Variants in AGRN observed in about 807,000 individuals in gnomAD.
AGRN encodes the protein agrin.
Under a neutral mutation model 211.0 loss-of-function variants are expected in AGRN, and 106 were observed. The ratio of observed to expected loss-of-function variants is 0.50; its 90% CI spans 0.43 to 0.59. AGRN has a LOEUF of 0.59. AGRN is among the 20% of genes least tolerant of loss of function. AGRN has a pLI of 0.00. For missense variants in AGRN, 3,040 were observed against 2,982.6 expected, an observed-to-expected ratio of 1.02 and a Z score of -0.45; for synonymous variants, 1,525 against 1,332.5, an observed-to-expected ratio of 1.14 and a Z score of -3.15.
intron 12 of AGRN, 29 bp downstream of exon 12, chr1:1,044,468 C>A: frequency 6.3e-7 from 1 of 1,585,234 alleles, no homozygotes; most frequent in Non-Finnish European, 8.6e-7. Flanking sequence ...GGGTCTCAGG[C>A]ACAGGCGGGG....
At chr1:1,024,730 T>C (rs1316818589) in intron 2 of AGRN, among the ~76,000 whole-genome samples, 1 of 151,958 alleles carries the variant, frequency 6.6e-6, no homozygotes, top group Non-Finnish European at 1.5e-5. Context: ...CAGATCTTCC[T>C]GGCCCTGCCC....
intron 2 of AGRN, among the ~76,000 whole-genome samples, chr1:1,027,958 G>A (rs72900404): frequency 0.037 from 5,676 of 152,258 alleles, 133 homozygotes; most frequent in South Asian, 0.051. Context: ...ACCGGCCCAC[G>A]GCCGCCCCGG....
Position 1,046,590 on chromosome 1 carries a change from G to A in AGRN, c.3105G>A (p.Val1035=), listed in dbSNP as rs2100659832. The A allele has an allele frequency of 3.7e-6, 6 of 1,607,190 alleles. No homozygotes were observed. Among genetic ancestry groups the A allele is most frequent in the Non-Finnish European group, 5.1e-6 (6 of 1,179,660 alleles). Reference sequence around the variant, plus strand: ...CTGCCAGCGTCCCCAGGACCACCGTGTGGCCCGTGCTGACGGTGCCCCCCA... The same window carrying A: ...CTGCCAGCGTCCCCAGGACCACCGTATGGCCCGTGCTGACGGTGCCCCCCA... The part of the protein sequence containing the change: ...RTTASVPRTT[V]WPVLTVPPTA... The change falls in exon 18 of 36, where the codon GTG becomes GTA. Residue 1035 remains valine, a synonymous_variant. Coordinates refer to ENST00000379370, the MANE Select transcript of AGRN (RefSeq NM_198576.4).
intron 7 of AGRN, among the ~76,000 whole-genome samples, chr1:1,042,729 C>T (rs1201849644): frequency 1.3e-5 from 2 of 152,220 alleles, no homozygotes; most frequent in Non-Finnish European, 2.9e-5. Context: ...TGCCTGCCCT[C>T]CAGGAGCCCG....
At position 1,051,342 on chromosome 1, in the gene AGRN, C is replaced by G; in HGVS notation, c.5343C>G (p.Ser1781=). The part of the protein sequence containing the change: ...FSKLARAAAV[S]SGFDGAIQLV... ...AGCTGGCCCGTGCTGCTGCCGTGTC[C>G]TCTGGCTTCGACGGTGCCATCCAGC... is the stretch of plus-strand genomic sequence containing the variant. Residue 1781 remains serine, a synonymous_variant, in exon 31 of 36, where the codon TCC becomes TCG. Coordinates refer to ENST00000379370, the MANE Select transcript of AGRN (RefSeq NM_198576.4). 6.4e-7 allele frequency: 1 copy of G among 1,568,650 alleles called. No homozygotes were observed.
Position 1,022,062 on chromosome 1 carries a change from G to A in AGRN, c.202-139G>A, listed in dbSNP as rs1448265521. The A allele has an allele frequency of 2.1e-5, 23 of 1,092,958 alleles. 1 individual carries two copies. In the East Asian group the frequency reaches 3.9e-4, roughly 19 times the overall value. The allele number at this position is 1,092,958 out of a possible 1,614,324, so 67.7% of individuals were successfully genotyped here. On this transcript the variant is annotated intron_variant, in intron 1 of 35. Transcript: ENST00000379370. ...GGGCTTCCCCCAGCTTCCGCCCAGCGGGCTGACTCAGAGGTCTCCCCACAT... is the reference window on the plus strand; with the variant it reads ...GGGCTTCCCCCAGCTTCCGCCCAGCAGGCTGACTCAGAGGTCTCCCCACAT...
In AGRN at chr1:1,035,076, G is replaced by T. The variant is rs989897533; in HGVS notation, c.464-201G>T. The T allele has an allele frequency of 1.7e-5, 11 of 662,498 alleles. No individual in the cohort carries two copies. The South Asian group carries it at 2.0e-4, about 12-fold the overall frequency. 41.0% of individuals were successfully genotyped at this position (662,498 alleles called of 1,614,324 possible). On this transcript the variant is annotated intron_variant, in intron 2 of 35. Coordinates refer to ENST00000379370, the MANE Select transcript of AGRN (RefSeq NM_198576.4). The stretch of plus-strand genomic sequence containing the variant: ...AGGCCATGACTATTTGGCTGGAGGG[G>T]CAGAGAAAAGCAGGGGCCTCTGTCT...
rs776934498 is a variant in AGRN at position 1,045,251 on chromosome 1, G to A, written c.2345G>A (p.Arg782Gln). The change falls in exon 13 of 36, where the codon CGG (arginine) becomes CAG (glutamine). Residue 782 changes from arginine to glutamine, a missense_variant. Arg to Gln is a conservative substitution (Grantham distance 43). Coordinates refer to ENST00000379370, the MANE Select transcript of AGRN (RefSeq NM_198576.4). Reference sequence around the variant, plus strand: ...TGCCAGGACAATATCACCGCAGCCCGGGGCGTGGGCCTGGCTGGCTGCCCC... The same window carrying A: ...TGCCAGGACAATATCACCGCAGCCCAGGGCGTGGGCCTGGCTGGCTGCCCC... ...GCCQDNITAA[R>Q]GVGLAGCPSA... 26 of 1,611,406 alleles carry A rather than the reference G, an allele frequency of 1.6e-5. No homozygotes were observed. Among genetic ancestry groups the A allele is most frequent in the East Asian group, 8.9e-5 (4 of 44,806 alleles).
rs1415671167 is a variant in AGRN, at chr1:1,034,170, CCCCCGCGCACCTG to C, written c.464-1104_464-1092del. 6.1e-6 allele frequency: 6 copies of C among 985,374 alleles called. 1 individual carries two copies. In the East Asian group the frequency reaches 3.4e-4, roughly 56 times the overall value. The allele number at this position is 985,374 out of a possible 1,614,324, so 61.0% of individuals were successfully genotyped here. The stretch of plus-strand genomic sequence containing the variant: ...GGGACAGCAGACCCTCGGCGCCCGG[CCCCCGCGCACCTG>C]CCGCGCGCACCGCCTCTCCGGCCTG... On this transcript the variant is annotated intron_variant, in intron 2 of 35. Coordinates refer to ENST00000379370, the MANE Select transcript of AGRN (RefSeq NM_198576.4).
chr1:1,051,201 G>T lies in AGRN; in HGVS notation c.5254-52G>T, dbSNP rs567517169. ...GGTGCGTGCAGGTGCCTGGGCCCTGGGTCTGCACCGTGGGTGGGCTCTGCA... is the reference window on the plus strand; with the variant it reads ...GGTGCGTGCAGGTGCCTGGGCCCTGTGTCTGCACCGTGGGTGGGCTCTGCA... On this transcript the variant is annotated intron_variant, in intron 30 of 35. Transcript: ENST00000379370. 7.2e-5 allele frequency: 112 copies of T among 1,552,680 alleles called. No individual in the cohort carries two copies. In the African/African-American group the frequency reaches 1.3e-3, roughly 17 times the overall value.
intron 2 of AGRN, chr1:1,034,486 G>A (rs943546320): frequency 1.7e-5 from 17 of 985,642 alleles, no homozygotes; most frequent in Non-Finnish European, 1.8e-5. Context: ...CAGCCCTGAA[G>A]AGGCCCAAGG....
rs777176463 is a variant in AGRN at position 1,048,974 on chromosome 1, C to T, written c.4213C>T (p.Pro1405Ser). ...RLALEFRALE[P>S]QGLLLYNGNA... Reference sequence around the variant, plus strand: ...GGCACTGGAATTCCGGGCGCTGGAGCCTCAGGGGCTGCTGCTGTACAATGG... The same window carrying T: ...GGCACTGGAATTCCGGGCGCTGGAGTCTCAGGGGCTGCTGCTGTACAATGG... Residue 1405 changes from proline to serine, a missense_variant, in exon 24 of 36, where the codon CCT (proline) becomes TCT (serine). Pro to Ser is a moderately conservative substitution (Grantham distance 74). This residue lies in a region of AGRN where 1,537 missense variants were observed against 1,505.0 expected (regional missense o/e 1.02). Coordinates refer to ENST00000379370, the MANE Select transcript of AGRN (RefSeq NM_198576.4). This position sits in a 1 kb window ranked among gnomAD's most constrained non-coding sequence, Gnocchi z 5.9. 5.7e-6 allele frequency: 9 copies of T among 1,577,322 alleles called. No homozygotes were observed. In the East Asian group the frequency reaches 1.4e-4, roughly 24 times the overall value.
chr1:1,055,012 T>C lies in AGRN; in HGVS notation c.*31T>C. On this transcript the variant is annotated 3_prime_UTR_variant, in exon 36 of 36. Coordinates refer to ENST00000379370, the MANE Select transcript of AGRN (RefSeq NM_198576.4). ...CACCAGAGCCCCGCGCCCGCTGTAA[T>C]TATTTTCTATTTTTGTAAACTTGTT... 1 of 1,544,714 alleles carries C rather than the reference T, an allele frequency of 6.5e-7. No homozygotes were observed. The highest frequency in any genetic ancestry group is 8.7e-7 in the Non-Finnish European group (1 of 1,146,584).
Position 1,048,982 on chromosome 1 carries a change from G to A in AGRN, c.4221G>A (p.Gly1407=), listed in dbSNP as rs770216741. 27 of 1,578,422 alleles carry A rather than the reference G, an allele frequency of 1.7e-5. No homozygotes were observed. The highest frequency in any genetic ancestry group is 2.3e-5 in the Non-Finnish European group (27 of 1,164,070). ...ALEFRALEPQ[G]LLLYNGNARG... Reference sequence around the variant, plus strand: ...AATTCCGGGCGCTGGAGCCTCAGGGGCTGCTGCTGTACAATGGCAACGCCC... The same window carrying A: ...AATTCCGGGCGCTGGAGCCTCAGGGACTGCTGCTGTACAATGGCAACGCCC... Residue 1407 remains glycine, a synonymous_variant, in exon 24 of 36, where the codon GGG becomes GGA. Transcript: ENST00000379370. The surrounding 1 kb of genome is among the most constrained non-coding windows in gnomAD (Gnocchi z 5.9).
Position 1,049,784 on chromosome 1 carries a change from C to A in AGRN, c.4733C>A (p.Pro1578His). The change falls in exon 26 of 36, where the codon CCC (proline) becomes CAC (histidine). Residue 1578 changes from proline (P) to histidine (H), a missense_variant. Coordinates refer to ENST00000379370, the MANE Select transcript of AGRN (RefSeq NM_198576.4). ...GGAAGGTTCCATTGCCAGTGCCCGC[C>A]CGGCCGCGTCGGTGAGGGTGGGGCC... ...EAGRFHCQCP[P>H]GRVGPTCADE... is the part of the protein sequence containing the mutation. The A allele has an allele frequency of 6.3e-7, 1 of 1,594,662 alleles. No individual in the cohort carries two copies. Among genetic ancestry groups the A allele is most frequent in the Non-Finnish European group, 8.5e-7 (1 of 1,171,430 alleles).
chr1:1,025,977 C>G (rs1339296298), intron 2 of AGRN, among the ~76,000 whole-genome samples: 2 of 152,060 alleles, frequency 1.3e-5, no homozygotes, highest in Non-Finnish European at 2.9e-5. Context: ...TTGCCCCTGC[C>G]TTGGCCTGGG....
chr1:1,045,639 C>T (rs1374324276), intron 14 of AGRN, 94 bp from the exon 15 acceptor site: 7 of 1,607,858 alleles, frequency 4.4e-6, no homozygotes, highest in Admixed American at 1.7e-5. Flanking sequence ...TGGCTGGGGG[C>T]TGGGCAGAGC....
At position 1,054,978 on chromosome 1, in the gene AGRN, A is replaced by G; in HGVS notation, c.6135A>G (p.Pro2045=). ...TKPELRPCPT[P] ...CAGAGCTGCGGCCCTGCCCCACCCCATGAGCTGGCACCAGAGCCCCGCGCC... is the reference window on the plus strand; with the variant it reads ...CAGAGCTGCGGCCCTGCCCCACCCCGTGAGCTGGCACCAGAGCCCCGCGCC... Residue 2045 remains proline (P), a synonymous_variant, in exon 36 of 36, where the codon CCA becomes CCG. Coordinates refer to ENST00000379370, the MANE Select transcript of AGRN (RefSeq NM_198576.4). 1 of 1,548,582 alleles carries G rather than the reference A, an allele frequency of 6.5e-7. No homozygotes were observed. Among genetic ancestry groups the G allele is most frequent in the Non-Finnish European group, 8.7e-7 (1 of 1,147,018 alleles).
Position 1,043,727 on chromosome 1 carries a change from C to G in AGRN, c.1793C>G (p.Pro598Arg). The G allele has an allele frequency of 1.2e-5, 19 of 1,601,334 alleles. No individual in the cohort carries two copies. The highest frequency in any genetic ancestry group is 1.6e-5 in the Non-Finnish European group (19 of 1,179,770). The change falls in exon 9 of 36, where the codon CCC becomes CGC. Residue 598 changes from proline to arginine, a missense_variant. By Grantham distance (103) the Pro-to-Arg change is moderately radical (BLOSUM62 -2). Around this residue, in one of 3 missense-constraint regions of AGRN, gnomAD observed 1,498 missense variants for 1,457.8 expected, o/e 1.03. Transcript: ENST00000379370. The stretch of plus-strand genomic sequence containing the variant: ...AGCCTGCACGTGGCCTCAGCTGGAC[C>G]CTGTGGTGAGTGAGGCCCTGGGGCC... ...QISLHVASAG[P>R]CETCGDAVCA...
Sources: allele counts gnomAD v4.1 joint callset (sites outside exome capture counted in the v4.1 genomes callset), GRCh38; gene constraint gnomAD v4.1.1; regional missense constraint gnomAD v4.1.1; non-coding constraint Gnocchi (gnomAD v3.1); transcripts MANE v1.5; gene names NCBI Gene and HGNC (gene_info 2026-07-23, HGNC 2026-07-21).